ADARB2: variants seen among roughly 807,000 people sequenced by gnomAD.
ADARB2 encodes adenosine deaminase RNA specific B2 (inactive), also known as inactive double-stranded RNA-specific editase B2.
Under a neutral mutation model 62.2 loss-of-function variants are expected in ADARB2, and 25 were observed. The observed-to-expected ratio is 0.40, with a 90% confidence interval of 0.29 to 0.56. ADARB2 has a LOEUF of 0.56. ADARB2 is among the 20% of genes least tolerant of loss of function. The pLI is 0.43. For synonymous variants in ADARB2, 572 were observed against 500.8 expected (o/e 1.14, Z -1.90); for missense variants, 1,071 against 1,077.4 (o/e 0.99, Z 0.08).
chr10:1,482,701 C>T (rs56261301), intron 1 of ADARB2, among the ~76,000 whole-genome samples: 36,705 of 152,104 alleles, frequency 0.24, 5,456 homozygotes, highest in Non-Finnish European at 0.33. Context: ...ATGAAACACC[C>T]ACATACCCAG....
At chr10:1,366,521 C>T (rs1398811473) in intron 2 of ADARB2, among the ~76,000 whole-genome samples, 1 of 152,154 alleles carries the variant, frequency 6.6e-6, no homozygotes, top group Non-Finnish European at 1.5e-5. Context: ...TTGCTGCTTC[C>T]CATTGCCCCA....
At chr10:1,412,691 G>A (rs936765771) in intron 1 of ADARB2, among the ~76,000 whole-genome samples, 19 of 152,166 alleles carry the variant, frequency 1.2e-4, no homozygotes, top group African/African-American at 4.1e-4. Context: ...ATTTGTGGTT[G>A]CCAGGTGCAT....
chr10:1,454,100 G>A (rs1484138577), intron 1 of ADARB2, among the ~76,000 whole-genome samples: 1 of 152,218 alleles, frequency 6.6e-6, no homozygotes, highest in Non-Finnish European at 1.5e-5. Context: ...CACAGTCATG[G>A]CAGAAGGGGA....
At chr10:1,272,342 A>G (rs758809461) in intron 3 of ADARB2, among the ~76,000 whole-genome samples, 2 of 152,216 alleles carry the variant, frequency 1.3e-5, no homozygotes, top group African/African-American at 2.4e-5. Context: ...TGATAAGGAC[A>G]GCTCTCTGAT....
intron 1 of ADARB2, among the ~76,000 whole-genome samples, chr10:1,446,189 G>A (rs1195717713): frequency 6.6e-6 from 1 of 152,198 alleles, no homozygotes; most frequent in Non-Finnish European, 1.5e-5. Context: ...CTTTGGGCAA[G>A]TCATTTAGTC....
At chr10:1,371,484 A>C (rs1028128215) in intron 2 of ADARB2, among the ~76,000 whole-genome samples, 2 of 152,204 alleles carry the variant, frequency 1.3e-5, no homozygotes, top group Non-Finnish European at 2.9e-5. Context: ...CAAAAAATAA[A>C]ATAAAGTAAA....
intron 1 of ADARB2, among the ~76,000 whole-genome samples, chr10:1,591,699 CCCCACCTGCCG>C (rs1833258619): frequency 6.6e-6 from 1 of 152,038 alleles, no homozygotes; most frequent in African/African-American, 2.4e-5. Context: ...ACCAGGACCC[CCCCACCTGCCG>C]CCGTCTTGTT....
chr10:1,565,686 C>T (rs1321748167), intron 1 of ADARB2, among the ~76,000 whole-genome samples: 1 of 152,184 alleles, frequency 6.6e-6, no homozygotes, highest in African/African-American at 2.4e-5. Flanking sequence ...GCAGCTTTTT[C>T]CTCCTGTTTT....
intron 3 of ADARB2, among the ~76,000 whole-genome samples, chr10:1,308,617 A>G (rs1831654830): frequency 6.6e-6 from 1 of 152,244 alleles, no homozygotes; most frequent in African/African-American, 2.4e-5. Context: ...CACTCCCACC[A>G]GCAGCGACTG....
chr10:1,285,045 T>TA (rs1372784382), intron 3 of ADARB2, among the ~76,000 whole-genome samples: 1 of 152,030 alleles, frequency 6.6e-6, no homozygotes, highest in East Asian at 1.9e-4. Context: ...TGCTTTGCAA[T>TA]ATAGAAAGCC....
chr10:1,468,891 C>T (rs571762535), intron 1 of ADARB2, among the ~76,000 whole-genome samples: 1 of 152,186 alleles, frequency 6.6e-6, no homozygotes, highest in African/African-American at 2.4e-5. Flanking sequence ...CTTGAAGAAG[C>T]CTGCAGGATC....
intron 1 of ADARB2, among the ~76,000 whole-genome samples, chr10:1,521,229 C>A (rs912222110): frequency 1.3e-5 from 2 of 152,246 alleles, no homozygotes; most frequent in African/African-American, 4.8e-5. Flanking sequence ...ACTCCCCCAA[C>A]CATAGATGAG....
intron 3 of ADARB2, among the ~76,000 whole-genome samples, chr10:1,339,786 C>A (rs1255272848): frequency 6.6e-6 from 1 of 152,202 alleles, no homozygotes; most frequent in African/African-American, 2.4e-5. Context: ...AGGTGCCAGC[C>A]CACCCGTGAC....
intron 1 of ADARB2, among the ~76,000 whole-genome samples, chr10:1,538,182 C>A (rs574580686): frequency 6.6e-6 from 1 of 152,120 alleles, no homozygotes; most frequent in African/African-American, 2.4e-5. Flanking sequence ...GGGCCAATGC[C>A]GTGTTCTTGC....
intron 1 of ADARB2, chr10:1,675,120 T>C (rs1834448923): frequency 1.0e-6 from 1 of 982,866 alleles, no homozygotes; most frequent in East Asian, 1.2e-4. Context: ...GGTTGCGGGG[T>C]ACATGGATGT....
chr10:1,717,201 C>T (rs1304010652), intron 1 of ADARB2, among the ~76,000 whole-genome samples: 5 of 128,110 alleles, frequency 3.9e-5, no homozygotes, highest in African/African-American at 6.0e-5. Context: ...AATCTCTGAG[C>T]TCTTCCCATT....
intron 1 of ADARB2, among the ~76,000 whole-genome samples, chr10:1,568,275 C>T (rs574579635): frequency 3.9e-5 from 6 of 152,256 alleles, no homozygotes; most frequent in Non-Finnish European, 5.9e-5. Flanking sequence ...CTTGGGACCA[C>T]GGCTGCCAGG....
intron 3 of ADARB2, among the ~76,000 whole-genome samples, chr10:1,332,814 ATTTG>A (rs1397121841): frequency 2.6e-5 from 4 of 152,184 alleles, no homozygotes; most frequent in Admixed American, 2.6e-4. Context: ...GCTTCATGTG[ATTTG>A]TTTGACTAAA....
chr10:1,298,166 G>A (rs576665123), intron 3 of ADARB2, among the ~76,000 whole-genome samples: 101 of 152,324 alleles, frequency 6.6e-4, no homozygotes, highest in Non-Finnish European at 1.2e-3. Flanking sequence ...GGCAGCAAAC[G>A]AAACGGACAG....
Sources: allele counts gnomAD v4.1 joint callset (sites outside exome capture counted in the v4.1 genomes callset), GRCh38; gene constraint gnomAD v4.1.1; transcripts MANE v1.5; gene names NCBI Gene and HGNC (gene_info 2026-07-23, HGNC 2026-07-21).